The following AXDND1 variants were observed in gnomAD, a reference collection of about 807,000 sequenced individuals.
AXDND1 encodes the protein axonemal dynein light chain domain containing 1, also known as axonemal dynein light chain domain-containing protein 1.
AXDND1 carries 110 observed loss-of-function variants against 137.5 expected under a neutral mutation model. The ratio of observed to expected loss-of-function variants is 0.80; its 90% CI spans 0.69 to 0.94. The LOEUF (loss-of-function observed/expected upper bound fraction) is 0.94. Ranked by LOEUF, AXDND1 falls within the 40% of genes least tolerant of loss-of-function variation. The pLI is 0.00. For missense variants in AXDND1, 1,191 were observed against 1,169.8 expected (o/e 1.02, Z -0.26); for synonymous variants, 414 against 399.7 (o/e 1.04, Z -0.43).
chr1:179,438,171 A>AATAAATAAATACATAC (rs1553271456), intron 15 of AXDND1, among the ~76,000 whole-genome samples: 2 of 151,318 alleles, frequency 1.3e-5, no homozygotes, highest in African/African-American at 4.9e-5. Flanking sequence ...TAAATAAATA[A>AATAAATAAATACATAC]ATAAATAAAT....
chr1:179,429,236 A>G (rs1379227778), intron 12 of AXDND1, among the ~76,000 whole-genome samples: 1 of 152,178 alleles, frequency 6.6e-6, no homozygotes, highest in African/African-American at 2.4e-5. Context: ...TGCATTCCAT[A>G]TAAATAAAAG....
rs35843095 is a variant in AXDND1 at position 179,544,673 on chromosome 1, C to CAA, written c.3031+9726_3031+9727dup. 651 of 110,862 alleles carry CAA rather than the reference C, an allele frequency of 5.9e-3. 9 individuals carry two copies. The highest frequency in any genetic ancestry group is 0.013 in the South Asian group (40 of 3,000). 6.9% of individuals were successfully genotyped at this position (110,862 alleles called of 1,614,324 possible). ...TGGGCAACAGAGCAAGACTCCATCTCAAAAAAAAAAAAAAAAGAAAAAGAA... is the reference window on the plus strand; with the variant it reads ...TGGGCAACAGAGCAAGACTCCATCTCAAAAAAAAAAAAAAAAAAGAAAAAGAA... On this transcript the variant is annotated intron_variant, in intron 25 of 25. Transcript: ENST00000367618.
chr1:179,406,432 C>G (rs1652984930), intron 11 of AXDND1, among the ~76,000 whole-genome samples: 1 of 152,140 alleles, frequency 6.6e-6, no homozygotes, highest in South Asian at 2.1e-4. Context: ...TCTAGATGAT[C>G]TTTTGAATGC....
In AXDND1 at chr1:179,366,128, T is replaced by TCGG. The variant is rs112230056; in HGVS notation, c.-107+128_-107+129insCGG. On this transcript the variant is annotated intron_variant, in intron 1 of 25. Transcript: ENST00000367618. ...GCGAGAGCGCTGCCTGTGGGGAAGGTATGGTCCCCAGCCGAGCCGCCTGCA... is the reference window on the plus strand; with the variant it reads ...GCGAGAGCGCTGCCTGTGGGGAAGGTCGGATGGTCCCCAGCCGAGCCGCCTGCA... The TCGG allele has an allele frequency of 5.7e-3, 171 of 29,968 alleles. 1 individual carries two copies. The highest frequency in any genetic ancestry group is 0.019 in the African/African-American group (101 of 5,296). 1.9% of individuals were successfully genotyped at this position (29,968 alleles called of 1,614,324 possible).
At chr1:179,506,279 C>A (rs1668528691) in intron 20 of AXDND1, among the ~76,000 whole-genome samples, 1 of 152,072 alleles carries the variant, frequency 6.6e-6, no homozygotes, top group African/African-American at 2.4e-5. Context: ...TCTGAGATAT[C>A]CTTCAGCAGG....
chr1:179,493,800 A>G (rs1667171389), intron 20 of AXDND1, among the ~76,000 whole-genome samples: 1 of 152,218 alleles, frequency 6.6e-6, no homozygotes. Flanking sequence ...CACATTGTAC[A>G]CATGCATCAA....
In AXDND1 at chr1:179,439,587, A is replaced by G. The variant is rs1332634778; in HGVS notation, c.1564-5383A>G. On this transcript the variant is annotated intron_variant, in intron 15 of 25. Transcript: ENST00000367618. ...AGTATGTTTTTGCCTCTGCACAGGG[A>G]AAACATACTGCACAGGACATTATGG... 8.5e-5 allele frequency among the ~76,000 whole-genome samples: 11 copies of G among 128,844 alleles called. No homozygotes were observed. The Admixed American group carries it at 9.1e-4, about 11-fold the overall frequency. 84.5% of individuals were successfully genotyped at this position (128,844 alleles called of 152,430 possible).
chr1:179,539,554 G>T (rs886801367), intron 25 of AXDND1, among the ~76,000 whole-genome samples: 1 of 152,220 alleles, frequency 6.6e-6, no homozygotes, highest in Non-Finnish European at 1.5e-5. Flanking sequence ...TCTGCTGAGA[G>T]ATCTGCTGTT....
chr1:179,410,801 G>A (rs1473890323), intron 11 of AXDND1, among the ~76,000 whole-genome samples: 1 of 152,102 alleles, frequency 6.6e-6, no homozygotes, highest in Non-Finnish European at 1.5e-5. Flanking sequence ...CTTGTATGCT[G>A]AATTTTTCAT....
intron 12 of AXDND1, among the ~76,000 whole-genome samples, chr1:179,414,147 A>G (rs1654319885): frequency 1.3e-5 from 2 of 151,974 alleles, no homozygotes; most frequent in African/African-American, 4.8e-5. Flanking sequence ...TTTAAACATT[A>G]TTTGAATTAT....
At chr1:179,460,973 T>G (rs1662239338) in intron 16 of AXDND1, among the ~76,000 whole-genome samples, 1 of 152,240 alleles carries the variant, frequency 6.6e-6, no homozygotes, top group African/African-American at 2.4e-5. Context: ...ATGGGTAGAT[T>G]CTAAAAATTT....
intron 16 of AXDND1, chr1:179,449,964 T>TAA (rs1660302705): frequency 6.7e-6 from 1 of 150,080 alleles, no homozygotes; most frequent in Non-Finnish European, 1.5e-5. Flanking sequence ...AAGAGAGGGT[T>TAA]TTACTAGTTT....
chr1:179,444,355 T>G (rs1359893382), intron 15 of AXDND1, among the ~76,000 whole-genome samples: 2 of 152,134 alleles, frequency 1.3e-5, no homozygotes, highest in Non-Finnish European at 2.9e-5. Context: ...AGTCCAGATC[T>G]CTCCAGTTTC....
chr1:179,479,258 C>T (rs1237516597), intron 17 of AXDND1, among the ~76,000 whole-genome samples: 4 of 151,964 alleles, frequency 2.6e-5, no homozygotes, highest in Non-Finnish European at 5.9e-5. Context: ...GGGTGGATCA[C>T]TTGAAGTCAG....
chr1:179,410,817 A>G (rs897668385), intron 11 of AXDND1, among the ~76,000 whole-genome samples: 2 of 152,216 alleles, frequency 1.3e-5, no homozygotes, highest in Non-Finnish European at 2.9e-5. Context: ...TTCATTAGAT[A>G]TGGTGTTATT....
intron 12 of AXDND1, among the ~76,000 whole-genome samples, chr1:179,428,942 G>C (rs1447332453): frequency 1.3e-5 from 2 of 152,062 alleles, no homozygotes; most frequent in Admixed American, 6.6e-5. Flanking sequence ...ACTTTGGGAG[G>C]CCGAGGCAGG....
chr1:179,366,829 T>C (rs1420068397), intron 2 of AXDND1, among the ~76,000 whole-genome samples: 1 of 152,252 alleles, frequency 6.6e-6, no homozygotes, highest in African/African-American at 2.4e-5. Flanking sequence ...TTTTTTCAAA[T>C]GTTGATTTAT....
At chr1:179,384,393 C>T (rs1648873924) in intron 8 of AXDND1, among the ~76,000 whole-genome samples, 1 of 152,114 alleles carries the variant, frequency 6.6e-6, no homozygotes, top group Admixed American at 6.6e-5. Context: ...ATATAGTTAT[C>T]AGGAAATTTA....
intron 25 of AXDND1, among the ~76,000 whole-genome samples, chr1:179,546,535 G>A (rs2125745764): frequency 6.6e-6 from 1 of 152,232 alleles, no homozygotes; most frequent in South Asian, 2.1e-4. Context: ...TGCCGAGTGA[G>A]GCTGTTGTGC....
Sources: gnomAD v4.1 joint callset for allele counts (sites outside exome capture counted in the v4.1 genomes callset) on GRCh38, gnomAD v4.1.1 for gene constraint, MANE v1.5 for transcripts, NCBI Gene and HGNC (gene_info 2026-07-23, HGNC 2026-07-21) for gene names.